BRINP3: variants seen among roughly 807,000 people sequenced by gnomAD.
BRINP3 encodes BMP/retinoic acid inducible neural specific 3, also known as BMP/retinoic acid-inducible neural-specific protein 3.
BRINP3 carries 19 observed loss-of-function variants against 71.0 expected under a neutral mutation model. The observed-to-expected ratio is 0.27, with a 90% CI of 0.19 to 0.39. The LOEUF is 0.39. Ranked by LOEUF, BRINP3 falls within the 10% of genes least tolerant of loss-of-function variation. BRINP3 has a pLI of 1.00. For synonymous variants in BRINP3, 380 were observed against 337.7 expected, an observed-to-expected ratio of 1.13 and a Z score of -1.37; for missense variants, 959 against 940.8, an observed-to-expected ratio of 1.02 and a Z score of -0.25.
At chr1:190,102,170 G>C (rs1020573794) in intron 7 of BRINP3, among the ~76,000 whole-genome samples, 1 of 152,140 alleles carries the variant, frequency 6.6e-6, no homozygotes, top group Non-Finnish European at 1.5e-5. Flanking sequence ...TTAGTTACCT[G>C]TCTTTTCTTT....
chr1:190,192,140 A>G (rs1263402925), intron 6 of BRINP3, among the ~76,000 whole-genome samples: 1 of 152,176 alleles, frequency 6.6e-6, no homozygotes, highest in Admixed American at 6.6e-5. Context: ...TCTGCTGTCC[A>G]ATACTTCACA....
intron 6 of BRINP3, among the ~76,000 whole-genome samples, chr1:190,194,344 G>GA (rs1654298980): frequency 6.6e-6 from 1 of 151,770 alleles, no homozygotes; most frequent in Non-Finnish European, 1.5e-5. Context: ...CCAGAATTGT[G>GA]AAAAAATATT....
chr1:190,303,397 C>T (rs2103004176), intron 2 of BRINP3, among the ~76,000 whole-genome samples: 2 of 150,896 alleles, frequency 1.3e-5, no homozygotes, highest in East Asian at 1.9e-4. Context: ...CAGAAGACTC[C>T]AAATAGGCAA....
intron 7 of BRINP3, among the ~76,000 whole-genome samples, chr1:190,148,248 T>C (rs1656069613): frequency 6.6e-6 from 1 of 152,010 alleles, no homozygotes; most frequent in Non-Finnish European, 1.5e-5. Flanking sequence ...GGAAATTCTA[T>C]TATGCATGCT....
At chr1:190,308,478 A>T (rs375036676) in intron 2 of BRINP3, among the ~76,000 whole-genome samples, 22 of 150,268 alleles carry the variant, frequency 1.5e-4, no homozygotes, top group Admixed American at 8.7e-4. Flanking sequence ...AACATCACAC[A>T]CTGGGGACTG....
chr1:190,221,600 C>T (rs1286133110), intron 6 of BRINP3, among the ~76,000 whole-genome samples: 2 of 152,028 alleles, frequency 1.3e-5, no homozygotes, highest in Admixed American at 6.6e-5. Context: ...GATCTCACTT[C>T]CCCAATTATA....
chr1:190,171,907 G>A (rs576226233), intron 6 of BRINP3, among the ~76,000 whole-genome samples: 20 of 151,732 alleles, frequency 1.3e-4, no homozygotes, highest in African/African-American at 4.4e-4. Flanking sequence ...AGAAGTTTGA[G>A]ACCAGCCGGC....
intron 6 of BRINP3, among the ~76,000 whole-genome samples, chr1:190,177,166 T>TA (rs1443535620): frequency 7.9e-6 from 1 of 126,724 alleles, no homozygotes; most frequent in African/African-American, 3.0e-5. Flanking sequence ...TTTTTTTTTT[T>TA]TTTTTTTTTT....
intron 2 of BRINP3, among the ~76,000 whole-genome samples, chr1:190,442,357 T>C (rs1198947465): frequency 1.3e-5 from 2 of 152,186 alleles, no homozygotes; most frequent in Non-Finnish European, 2.9e-5. Flanking sequence ...ATTTTGCTAA[T>C]TTTTTAAGCC....
At chr1:190,327,326 CAAAAAAAAAAAA>C (rs1227478693) in intron 2 of BRINP3, among the ~76,000 whole-genome samples, 5 of 44,244 alleles carry the variant, frequency 1.1e-4, no homozygotes, top group South Asian at 1.6e-3. Context: ...AAAAAAAGAA[CAAAAAAAAAAAA>C]AAAAAAAAAA....
Position 190,264,604 on chromosome 1 carries a change from G to A in BRINP3, c.618+261C>T, listed in dbSNP as rs1661488410. On this transcript the variant is annotated intron_variant, in intron 4 of 7. Transcript: ENST00000367462. ...TTGTGAGGGAGTCTGTGTACCCCAA[G>A]ATAAATTCATACAATTCAAATATAC... Among the ~76,000 whole-genome samples, 3 of 151,994 alleles carry A rather than the reference G, an allele frequency of 2.0e-5. No homozygotes were observed. In the South Asian group the frequency reaches 6.2e-4, roughly 32 times the overall value.
intron 6 of BRINP3, among the ~76,000 whole-genome samples, chr1:190,181,357 G>A (rs191679608): frequency 4.0e-4 from 61 of 151,972 alleles, no homozygotes; most frequent in Non-Finnish European, 7.1e-4. Context: ...TTTGACTACC[G>A]TAAATAAAAT....
At chr1:190,122,494 A>C (rs1653749301) in intron 7 of BRINP3, among the ~76,000 whole-genome samples, 1 of 150,520 alleles carries the variant, frequency 6.6e-6, no homozygotes, top group Admixed American at 6.7e-5. Flanking sequence ...AGGCAGATTG[A>C]AGTAATGCAG....
chr1:190,238,208 G>T (rs957223001), intron 4 of BRINP3, among the ~76,000 whole-genome samples: 2 of 151,974 alleles, frequency 1.3e-5, no homozygotes, highest in African/African-American at 2.4e-5. Flanking sequence ...ACTTTGGGTT[G>T]AGAAGGTAGA....
intron 2 of BRINP3, among the ~76,000 whole-genome samples, chr1:190,396,460 CCT>C (rs2102332322): frequency 6.6e-6 from 1 of 150,840 alleles, no homozygotes; most frequent in South Asian, 2.1e-4. Flanking sequence ...TTGAATATTT[CCT>C]TCTTTGTAAG....
chr1:190,348,535 T>C (rs1374434608), intron 2 of BRINP3, among the ~76,000 whole-genome samples: 1 of 152,168 alleles, frequency 6.6e-6, no homozygotes, highest in Non-Finnish European at 1.5e-5. Context: ...ATTATCCTGA[T>C]ATATCTGAAT....
chr1:190,171,859 C>T lies in BRINP3; in HGVS notation c.962-10969G>A, dbSNP rs114894846. Among the ~76,000 whole-genome samples, 844 of 152,122 alleles carry T rather than the reference C, an allele frequency of 5.5e-3. 4 individuals carry two copies. Among genetic ancestry groups the T allele is most frequent in the South Asian group, 0.01 (49 of 4,814 alleles). ...CAGTGGCTTACGCCAGTAATCCCAACACTTTGGGAGGCCAAGGCAGGAGAA... is the reference window on the plus strand; with the variant it reads ...CAGTGGCTTACGCCAGTAATCCCAATACTTTGGGAGGCCAAGGCAGGAGAA... On this transcript the variant is annotated intron_variant, in intron 6 of 7. Coordinates refer to ENST00000367462, the MANE Select transcript of BRINP3 (RefSeq NM_199051.3).
At chr1:190,119,136 A>G (rs1653404185) in intron 7 of BRINP3, among the ~76,000 whole-genome samples, 1 of 152,132 alleles carries the variant, frequency 6.6e-6, no homozygotes. Context: ...TCAATTCTGT[A>G]CTTTTATTAT....
intron 2 of BRINP3, among the ~76,000 whole-genome samples, chr1:190,406,117 A>G (rs909348783): frequency 1.3e-5 from 2 of 152,204 alleles, no homozygotes; most frequent in Admixed American, 6.5e-5. Flanking sequence ...AGTATGATCC[A>G]TTAAGTACAG....
Sources: allele counts gnomAD v4.1 joint callset (sites outside exome capture counted in the v4.1 genomes callset), GRCh38; gene constraint gnomAD v4.1.1; transcripts MANE v1.5; gene names NCBI Gene and HGNC (gene_info 2026-07-23, HGNC 2026-07-21).